ZRANB3: variants seen among roughly 807,000 people sequenced by gnomAD.
ZRANB3 encodes DNA annealing helicase and endonuclease ZRANB3.
In ZRANB3, 125 loss-of-function variants were observed where a neutral mutation model predicts 133.8. The ratio of observed to expected loss-of-function variants is 0.93; its 90% confidence interval spans 0.81 to 1.08. The LOEUF is 1.08. ZRANB3 is among the 50% of genes least tolerant of loss of function. ZRANB3 has a pLI of 0.00. For synonymous variants in ZRANB3, 387 were observed against 432.7 expected, an observed-to-expected ratio of 0.89 and a Z score of 1.31; for missense variants, 1,229 against 1,275.5, an observed-to-expected ratio of 0.96 and a Z score of 0.56.
intron 4 of ZRANB3, 74 bp from the exon 5 acceptor site, chr2:135,350,289 G>GA (rs1685147317): frequency 4.6e-6 from 5 of 1,087,618 alleles, no homozygotes; most frequent in Non-Finnish European, 6.5e-6. Context: ...ACTCTCTTGG[G>GA]AAAAAATACA....
intron 1 of ZRANB3, among the ~76,000 whole-genome samples, chr2:135,507,868 T>G (rs1693264125): frequency 6.6e-6 from 1 of 152,062 alleles, no homozygotes; most frequent in African/African-American, 2.4e-5. Flanking sequence ...AGAGGACTGC[T>G]TGAGCCCAGG....
At chr2:135,443,686 C>T (rs538981173) in intron 2 of ZRANB3, among the ~76,000 whole-genome samples, 15 of 151,820 alleles carry the variant, frequency 9.9e-5, no homozygotes, top group Non-Finnish European at 2.1e-4. Context: ...ACAAATCCGA[C>T]GTGAGGGACA....
intron 8 of ZRANB3, among the ~76,000 whole-genome samples, chr2:135,299,120 C>T (rs544728710): frequency 1.3e-5 from 2 of 152,072 alleles, no homozygotes; most frequent in South Asian, 4.2e-4. Flanking sequence ...TAGAGAAGAC[C>T]ATCAGGTCGC....
Position 135,345,325 on chromosome 2 carries a change from G to A in ZRANB3, c.677+225C>T, listed in dbSNP as rs1227111619. 30 of 355,236 alleles carry A rather than the reference G, an allele frequency of 8.4e-5. 3 individuals carry two copies. The South Asian group carries it at 1.0e-3, about 12-fold the overall frequency. The allele number at this position is 355,236 out of a possible 1,614,324, so 22.0% of individuals were successfully genotyped here. A position where few individuals can be genotyped will look rare whatever the true frequency, so the allele number is the denominator to read the frequency against. On this transcript the variant is annotated intron_variant, in intron 6 of 20. Transcript: ENST00000264159. ...TATTAAAAATACAAAAAAATTAGCC[G>A]GGCATGGTGGCGCATGCCTGTAATC...
chr2:135,347,020 T>C (rs1405713197), intron 5 of ZRANB3, among the ~76,000 whole-genome samples: 3 of 152,228 alleles, frequency 2.0e-5, no homozygotes, highest in East Asian at 3.8e-4. Flanking sequence ...GGGCATTTCA[T>C]ATAAATAGAA....
At chr2:135,369,819 C>T (rs1455569024) in intron 3 of ZRANB3, among the ~76,000 whole-genome samples, 2 of 152,092 alleles carry the variant, frequency 1.3e-5, no homozygotes, top group Non-Finnish European at 2.9e-5. Context: ...TGGTTTTCTA[C>T]TTATTTCTTT....
chr2:135,519,911 C>T (rs1290128325), intron 1 of ZRANB3, among the ~76,000 whole-genome samples: 1 of 151,944 alleles, frequency 6.6e-6, no homozygotes, highest in East Asian at 1.9e-4. Flanking sequence ...CAACATTAAC[C>T]AGAGAGGAAG....
chr2:135,441,630 A>G (rs1009530545), intron 2 of ZRANB3, among the ~76,000 whole-genome samples: 11 of 152,122 alleles, frequency 7.2e-5, no homozygotes, highest in Non-Finnish European at 1.5e-4. Flanking sequence ...TATAATATAT[A>G]CTTGTATAAT....
chr2:135,483,621 G>T (rs1691948054), intron 2 of ZRANB3, among the ~76,000 whole-genome samples: 1 of 151,662 alleles, frequency 6.6e-6, no homozygotes. Flanking sequence ...CTTCAGTTCT[G>T]CTCTGATTTT....
rs753449762 is a variant in ZRANB3, at chr2:135,350,235, T to C, written c.360-20A>G. The C allele has an allele frequency of 4.6e-6, 7 of 1,532,870 alleles. No individual in the cohort carries two copies. Among genetic ancestry groups the C allele is most frequent in the Non-Finnish European group, 6.2e-6 (7 of 1,131,508 alleles). The allele number at this position is 1,532,870 out of a possible 1,614,324, so 95.0% of individuals were successfully genotyped here. A position where few individuals can be genotyped will look rare whatever the true frequency, so the allele number is the denominator to read the frequency against. ...ATTCTCCTAGAAAAGAAAATCCATG[T>C]ACTTAAAAAATATCTCAGTAATGAC... On this transcript the variant is annotated intron_variant, in intron 4 of 20. Transcript: ENST00000264159.
At chr2:135,231,459 A>C (rs1386970805) in intron 12 of ZRANB3, among the ~76,000 whole-genome samples, 1 of 152,180 alleles carries the variant, frequency 6.6e-6, no homozygotes, top group Non-Finnish European at 1.5e-5. Flanking sequence ...TGTTTTCTTG[A>C]CCAGGAAGCT....
chr2:135,384,926 G>A (rs931478366), intron 3 of ZRANB3, among the ~76,000 whole-genome samples: 6 of 152,098 alleles, frequency 3.9e-5, no homozygotes, highest in African/African-American at 1.4e-4. Flanking sequence ...CCCTTTGAAA[G>A]CTGGCACAAG....
chr2:135,224,345 TA>T, intron 15 of ZRANB3, 80 bp downstream of exon 15: 1 of 1,086,964 alleles, frequency 9.2e-7, no homozygotes, highest in South Asian at 1.9e-5. Context: ...TCAATGTTAA[TA>T]AAATTAAGTA....
intron 12 of ZRANB3, among the ~76,000 whole-genome samples, chr2:135,252,562 C>A (rs1679453111): frequency 6.6e-6 from 1 of 151,984 alleles, no homozygotes; most frequent in Non-Finnish European, 1.5e-5. Context: ...ACCTATGTAC[C>A]ATTATTTCTC....
intron 2 of ZRANB3, among the ~76,000 whole-genome samples, chr2:135,455,660 C>T (rs1240837202): frequency 1.4e-5 from 2 of 144,244 alleles, no homozygotes; most frequent in Admixed American, 7.1e-5. Flanking sequence ...GGCGCGATCT[C>T]GGCTCACTGC....
intron 2 of ZRANB3, among the ~76,000 whole-genome samples, chr2:135,425,633 C>A (rs938986335): frequency 6.6e-6 from 1 of 152,012 alleles, no homozygotes; most frequent in Non-Finnish European, 1.5e-5. Context: ...GAAAGAAATT[C>A]TTTGAAATGA....
intron 2 of ZRANB3, among the ~76,000 whole-genome samples, chr2:135,498,472 G>A (rs573284043): frequency 9.9e-5 from 15 of 152,030 alleles, no homozygotes; most frequent in East Asian, 1.9e-4. Context: ...CATCATCTTC[G>A]TAAGCTGAGG....
intron 1 of ZRANB3, chr2:135,511,731 G>A: frequency 5.2e-6 from 4 of 765,516 alleles, no homozygotes; most frequent in Non-Finnish European, 9.8e-6. Flanking sequence ...TGTGGCAGTT[G>A]CTGAAGTTTC....
At chr2:135,313,721 G>C (rs1444027336) in intron 7 of ZRANB3, 116 bp from the exon 8 acceptor site, 2 of 578,682 alleles carry the variant, frequency 3.5e-6, no homozygotes, top group Non-Finnish European at 5.7e-6. Flanking sequence ...GATATAAAAA[G>C]AAAATCCCCA....
Sources: gnomAD v4.1 joint callset for allele counts (sites outside exome capture counted in the v4.1 genomes callset) on GRCh38, gnomAD v4.1.1 for gene constraint, MANE v1.5 for transcripts, NCBI Gene and HGNC (gene_info 2026-07-23, HGNC 2026-07-21) for gene names.